SYNJ2: variants seen among roughly 807,000 people sequenced by gnomAD.
SYNJ2 encodes polyphosphatidylinositol phosphatase SYNJ2.
A neutral mutation model predicts 141.3 loss-of-function variants in SYNJ2; 116 were observed. That is an observed-to-expected ratio of 0.82 (90% CI 0.71 to 0.96). The LOEUF is 0.96. Among genes scored for constraint, SYNJ2 ranks in the 40% least tolerant of loss-of-function variants. SYNJ2 has a pLI of 0.00. For synonymous variants in SYNJ2, 745 were observed against 777.7 expected (o/e 0.96, Z 0.70); for missense variants, 1,873 against 1,934.8 (o/e 0.97, Z 0.60).
chr6:157,991,179 C>T (rs1777409987), intron 1 of SYNJ2, among the ~76,000 whole-genome samples: 1 of 152,230 alleles, frequency 6.6e-6, no homozygotes, highest in African/African-American at 2.4e-5. Flanking sequence ...GAGCCTGGCA[C>T]ACACATTTGC....
chr6:158,059,310 T>C lies in SYNJ2; in HGVS notation c.911T>C (p.Leu304Pro). ...GGGCAGCAGGTGGTCGTGAACCTTC[T>C]GGGAAGCAGAGGCGGAGAGGAGGTG... ...QYGQQVVVNL[L>P]GSRGGEEVLN... The change falls in exon 7 of 27, where the codon CTG becomes CCG. Residue 304 changes from leucine to proline, a missense_variant. Coordinates refer to ENST00000355585, the MANE Select transcript of SYNJ2 (RefSeq NM_003898.4). 1 of 1,551,008 alleles carries C rather than the reference T, an allele frequency of 6.4e-7. No individual in the cohort carries two copies. Among genetic ancestry groups the C allele is most frequent in the Non-Finnish European group, 8.7e-7 (1 of 1,146,992 alleles).
chr6:158,086,836 G>A lies in SYNJ2; in HGVS notation c.3209-19G>A, dbSNP rs1279434297. On this transcript the variant is annotated intron_variant, in intron 22 of 26. Transcript: ENST00000355585. The stretch of plus-strand genomic sequence containing the variant: ...GTGTGGAACAGACCATTGTACTCAT[G>A]CCCCGCCATGTCCTCCAGATGACGC... 3.1e-6 allele frequency: 5 copies of A among 1,610,276 alleles called. No homozygotes were observed. The highest frequency in any genetic ancestry group is 2.2e-5 in the South Asian group (2 of 91,062).
intron 3 of SYNJ2, among the ~76,000 whole-genome samples, chr6:158,029,717 T>C (rs1779264228): frequency 6.6e-6 from 1 of 152,202 alleles, no homozygotes; most frequent in South Asian, 2.1e-4. Context: ...TTACCTCCAG[T>C]GTGCAGCCGT....
chr6:158,039,342 A>ATG (rs1779812398), intron 4 of SYNJ2, among the ~76,000 whole-genome samples: 1 of 152,228 alleles, frequency 6.6e-6, no homozygotes, highest in African/African-American at 2.4e-5. Flanking sequence ...TTCTTCTAGG[A>ATG]TGAGTCAGGA....
At chr6:158,076,863 C>A in intron 17 of SYNJ2, 81 bp downstream of exon 17, 1 of 1,469,670 alleles carries the variant, frequency 6.8e-7, no homozygotes, top group Non-Finnish European at 9.1e-7. Flanking sequence ...TTACCCAACC[C>A]CAGGCGCTGC....
chr6:158,087,069 C>T (rs1426353544), intron 23 of SYNJ2, 80 bp downstream of exon 23: 6 of 1,501,470 alleles, frequency 4.0e-6, no homozygotes, highest in Non-Finnish European at 5.4e-6. Flanking sequence ...AACACGGCTC[C>T]GAATCCACTT....
chr6:158,032,861 G>GAATAAAGA (rs1175236592), intron 3 of SYNJ2, among the ~76,000 whole-genome samples: 4 of 152,174 alleles, frequency 2.6e-5, no homozygotes, highest in Non-Finnish European at 5.9e-5. Flanking sequence ...CATGGAGAGG[G>GAATAAAGA]AATACTTGAA....
rs370386981 is a variant in SYNJ2, at chr6:158,095,589, T to C, written c.3745-29T>C. 5.3e-5 allele frequency: 82 copies of C among 1,551,910 alleles called. No homozygotes were observed. In the Middle Eastern group the frequency reaches 1.7e-3, roughly 33 times the overall value. On this transcript the variant is annotated intron_variant, in intron 26 of 26. Coordinates refer to ENST00000355585, the MANE Select transcript of SYNJ2 (RefSeq NM_003898.4). ...CAGCTGCCTAGTTATTGGCTTCTTA[T>C]TTACACTCTTTGTCCCACCTTTTCT...
intron 8 of SYNJ2, among the ~76,000 whole-genome samples, chr6:158,062,589 A>G (rs753840899): frequency 2.0e-5 from 3 of 152,120 alleles, no homozygotes; most frequent in Non-Finnish European, 2.9e-5. Context: ...GCTAGAGGAG[A>G]CCAGGGTATG....
intron 14 of SYNJ2, 21 bp downstream of exon 14, chr6:158,069,694 C>T: frequency 6.3e-7 from 1 of 1,594,728 alleles, no homozygotes; most frequent in African/African-American, 1.3e-5. Flanking sequence ...TCTGTTTACA[C>T]ACATCTGGGG....
intron 5 of SYNJ2, among the ~76,000 whole-genome samples, chr6:158,052,209 G>A (rs941651126): frequency 3.3e-5 from 5 of 152,178 alleles, no homozygotes; most frequent in African/African-American, 4.8e-5. Context: ...AAACTAAAGA[G>A]TGCATTTTTA....
intron 1 of SYNJ2, among the ~76,000 whole-genome samples, chr6:158,008,823 G>C (rs930566457): frequency 1.3e-5 from 2 of 152,136 alleles, no homozygotes; most frequent in Middle Eastern, 3.2e-3. Flanking sequence ...TTCTCTCCTT[G>C]TTCCTCTAGA....
intron 5 of SYNJ2, among the ~76,000 whole-genome samples, chr6:158,046,684 C>G (rs1288332767): frequency 1.3e-5 from 2 of 152,156 alleles, no homozygotes; most frequent in Admixed American, 1.3e-4. Context: ...GTAATGGTAC[C>G]TTCAGTACTT....
chr6:158,072,253 T>C (rs1197525838), intron 15 of SYNJ2, among the ~76,000 whole-genome samples: 1 of 152,218 alleles, frequency 6.6e-6, no homozygotes, highest in East Asian at 1.9e-4. Context: ...AATGGACCCT[T>C]TTTGACTGGG....
intron 15 of SYNJ2, among the ~76,000 whole-genome samples, chr6:158,072,753 G>T (rs2128377199): frequency 7.2e-6 from 1 of 139,292 alleles, no homozygotes; most frequent in East Asian, 2.1e-4. Context: ...AAAAAAAAAA[G>T]TCTAACCCTT....
In SYNJ2 at chr6:158,040,905, G is replaced by A. The variant is rs930369211; in HGVS notation, c.712-2411G>A. Among the ~76,000 whole-genome samples the A allele has an allele frequency of 3.3e-5, 5 of 152,106 alleles. No individual in the cohort carries two copies. The highest frequency in any genetic ancestry group is 2.1e-4 in the South Asian group (1 of 4,824). On this transcript the variant is annotated intron_variant, in intron 4 of 26. Coordinates refer to ENST00000355585, the MANE Select transcript of SYNJ2 (RefSeq NM_003898.4). The surrounding 1 kb of genome is among the most constrained non-coding windows in gnomAD (Gnocchi z 4.2). ...TTCCCGTGGCCCCACTGCTCTTCCC[G>A]GTCTCCCTCCCACCTCTTGTCTGTT...
At position 158,032,587 on chromosome 6, in the gene SYNJ2, G is replaced by A. The variant is rs542937089; in HGVS notation, c.486-868G>A. On this transcript the variant is annotated intron_variant, in intron 3 of 26. Coordinates refer to ENST00000355585, the MANE Select transcript of SYNJ2 (RefSeq NM_003898.4). ...CGTAGGGCCTCATGAAGAAAGGCTCGGCGTGAAGAGCGCGGGCTCCAAGCT... is the reference window on the plus strand; with the variant it reads ...CGTAGGGCCTCATGAAGAAAGGCTCAGCGTGAAGAGCGCGGGCTCCAAGCT... 5.5e-4 allele frequency among the ~76,000 whole-genome samples: 84 copies of A among 152,302 alleles called. 1 individual carries two copies. The South Asian group carries it at 0.013, about 24-fold the overall frequency.
chr6:158,098,075 C>A lies in SYNJ2; in HGVS notation c.*1711C>A, dbSNP rs550162724. ...GAAGCTGATTTGCCAAGATGCACAT[C>A]GCTATTAACAGCCAGAGTCATAAAT... On this transcript the variant is annotated 3_prime_UTR_variant, in exon 27 of 27. Coordinates refer to ENST00000355585, the MANE Select transcript of SYNJ2 (RefSeq NM_003898.4). The A allele has an allele frequency of 1.7e-5, 2 of 119,314 alleles. No individual in the cohort carries two copies. Among genetic ancestry groups the A allele is most frequent in the Non-Finnish European group, 3.6e-5 (2 of 55,662 alleles). 7.4% of individuals were successfully genotyped at this position (119,314 alleles called of 1,614,324 possible).
intron 4 of SYNJ2, among the ~76,000 whole-genome samples, chr6:158,041,886 A>G (rs533500586): frequency 3.3e-5 from 5 of 152,168 alleles, no homozygotes; most frequent in Non-Finnish European, 7.3e-5. Context: ...CTTTTTAAAA[A>G]TTGTTTTGGT....
Sources: gnomAD v4.1 joint callset for allele counts (sites outside exome capture counted in the v4.1 genomes callset) on GRCh38, gnomAD v4.1.1 for gene constraint, Gnocchi (gnomAD v3.1) non-coding constraint, MANE v1.5 for transcripts, NCBI Gene and HGNC (gene_info 2026-07-23, HGNC 2026-07-21) for gene names.